SNX19: variants seen among roughly 807,000 people sequenced by gnomAD.
SNX19 encodes the protein sorting nexin 19, also known as sorting nexin-19.
Under a neutral mutation model 85.2 loss-of-function variants are expected in SNX19, and 60 were observed. The observed-to-expected ratio is 0.70, with a 90% confidence interval of 0.57 to 0.87. SNX19 has a LOEUF of 0.87. Ranked by LOEUF, SNX19 falls within the 40% of genes least tolerant of loss-of-function variation. The probability of loss-of-function intolerance (pLI) is 0.00; values close to 1 mark genes in which losing one functional copy is unlikely to be tolerated. For missense variants in SNX19, 1,201 were observed against 1,217.8 expected (o/e 0.99, Z 0.21); for synonymous variants, 520 against 470.0 (o/e 1.11, Z -1.38).
At position 130,880,811 on chromosome 11, in the gene SNX19, G is replaced by T; in HGVS notation, c.2574-5C>A. The T allele has an allele frequency of 6.5e-7, 1 of 1,539,918 alleles. No homozygotes were observed. The highest frequency in any genetic ancestry group is 8.8e-7 in the Non-Finnish European group (1 of 1,130,034). ...GCTACCTGCACCTCTAGCCACCTGT[G>T]GTAGAAGAGAGACGAAAGCTTAGAT... On this transcript the variant is annotated splice_region_variant and splice_polypyrimidine_tract_variant and intron_variant, in intron 8 of 10. Transcript: ENST00000265909.
chr11:130,897,187 T>C (rs3794138), intron 8 of SNX19, among the ~76,000 whole-genome samples: 96,038 of 151,422 alleles, frequency 0.63, 30,703 homozygotes, highest in South Asian at 0.8. Flanking sequence ...AAGTTTCTCC[T>C]GGGTGCCCTG....
rs1350975255 is a variant in SNX19 at position 130,914,354 on chromosome 11, A to G, written c.1586T>C (p.Ile529Thr). The G allele has an allele frequency of 1.2e-6, 2 of 1,613,814 alleles. No homozygotes were observed. Among genetic ancestry groups the G allele is most frequent in the East Asian group, 2.2e-5 (1 of 44,876 alleles). Residue 529 changes from isoleucine (I) to threonine (T), a missense_variant, in exon 1 of 11, where the codon ATC becomes ACC. Ile to Thr is a moderately conservative substitution (Grantham distance 89). This residue lies in a region of SNX19 where 791 missense variants were observed against 750.9 expected (regional missense o/e 1.05). Coordinates refer to ENST00000265909, the MANE Select transcript of SNX19 (RefSeq NM_014758.3). ...EPLSSPDGPV[I>T]IQNLRITGTI... is the part of the protein sequence containing the mutation. Reference sequence around the variant, plus strand: ...GCCAGTGATACGAAGGTTCTGGATGATAACTGGACCATCGGGACTGCTTAG... The same window carrying G: ...GCCAGTGATACGAAGGTTCTGGATGGTAACTGGACCATCGGGACTGCTTAG...
chr11:130,890,115 A>G (rs192437020), intron 8 of SNX19, among the ~76,000 whole-genome samples: 1 of 152,258 alleles, frequency 6.6e-6, no homozygotes, highest in East Asian at 1.9e-4. Flanking sequence ...GAAAGATATT[A>G]CCCCATCTTT....
rs961084952 is a variant in SNX19, at chr11:130,870,562, C to G, written c.*7860G>C. Among the ~76,000 whole-genome samples the G allele has an allele frequency of 1.3e-5, 2 of 152,202 alleles. No homozygotes were observed. The highest frequency in any genetic ancestry group is 4.8e-5 in the African/African-American group (2 of 41,456). ...TCTGGTACAGACTAGCCAGTGCCCT[C>G]CACTGGAATAAGTGGTTAATCTCAA... On this transcript the variant is annotated 3_prime_UTR_variant, in exon 11 of 11. Coordinates refer to ENST00000265909, the MANE Select transcript of SNX19 (RefSeq NM_014758.3).
rs1283824428 is a variant in SNX19, at chr11:130,914,463, A to G, written c.1477T>C (p.Ser493Pro). 6 of 1,613,818 alleles carry G rather than the reference A, an allele frequency of 3.7e-6. No individual in the cohort carries two copies. The highest frequency in any genetic ancestry group is 5.1e-6 in the Non-Finnish European group (6 of 1,179,820). The change falls in exon 1 of 11, where the codon TCC becomes CCC. Residue 493 changes from serine (S) to proline (P), a missense_variant. Ser to Pro is a moderately conservative substitution (Grantham distance 74, BLOSUM62 -1). This residue lies in a region of SNX19 where 791 missense variants were observed against 750.9 expected (regional missense o/e 1.05). Coordinates refer to ENST00000265909, the MANE Select transcript of SNX19 (RefSeq NM_014758.3). ...ACTGGTGGCAGAGTAGGATCAAGGG[A>G]GCTCACATCATTGGTGAGATCCTTC... Reference protein sequence around the residue: ...LEKDLTNDVSSLDPTLPPVLL... With the variant: ...LEKDLTNDVSPLDPTLPPVLL...
chr11:130,889,507 A>T (rs1944345419), intron 8 of SNX19, among the ~76,000 whole-genome samples: 1 of 129,678 alleles, frequency 7.7e-6, no homozygotes, highest in Non-Finnish European at 1.8e-5. Flanking sequence ...ATATTTACTG[A>T]ATGAATCGAT....
rs1592273046 is a variant in SNX19 at position 130,879,543 on chromosome 11, T to C, written c.2846+81A>G. ...ATCCTATTCTTTGGAATGTGGGCTT[T>C]TCACTCAGAAACCTTGGATACCTCT... On this transcript the variant is annotated intron_variant, in intron 10 of 10. Transcript: ENST00000265909. 1.3e-5 allele frequency: 16 copies of C among 1,243,406 alleles called. No homozygotes were observed. The East Asian group carries it at 3.8e-4, about 30-fold the overall frequency. The allele number at this position is 1,243,406 out of a possible 1,614,324, so 77.0% of individuals were successfully genotyped here.
chr11:130,906,923 T>C (rs1945719229), intron 5 of SNX19, among the ~76,000 whole-genome samples: 1 of 152,238 alleles, frequency 6.6e-6, no homozygotes, highest in South Asian at 2.1e-4. Context: ...TGATAGATAA[T>C]GTTAACGCAT....
At chr11:130,892,205 T>C (rs1424733242) in intron 8 of SNX19, among the ~76,000 whole-genome samples, 1 of 150,220 alleles carries the variant, frequency 6.7e-6, no homozygotes, top group Non-Finnish European at 1.5e-5. Context: ...GTCAACCTTT[T>C]TTTGGCCCCA....
chr11:130,912,705 G>A (rs1314891075), intron 1 of SNX19, among the ~76,000 whole-genome samples: 1 of 152,138 alleles, frequency 6.6e-6, no homozygotes, highest in African/African-American at 2.4e-5. Flanking sequence ...TGTGAGCAAA[G>A]CAGTCCCTCA....
chr11:130,902,228 C>A (rs1254041444), intron 8 of SNX19, among the ~76,000 whole-genome samples: 1 of 152,192 alleles, frequency 6.6e-6, no homozygotes, highest in Non-Finnish European at 1.5e-5. Context: ...TAAAAAAGTA[C>A]ATGTAAATGG....
At chr11:130,907,860 T>G in intron 5 of SNX19, 93 bp downstream of exon 5, 1 of 1,560,734 alleles carries the variant, frequency 6.4e-7, no homozygotes, top group Non-Finnish European at 8.7e-7. Context: ...CCTCCTTTCC[T>G]CTAGGGCTTG....
rs199928817 is a variant in SNX19 at position 130,915,608 on chromosome 11, C to A, written c.332G>T (p.Arg111Leu). Reference sequence around the variant, plus strand: ...ACGGTACCAAGATAACACAAAATCTCGAATAATCATCTGGATGGTGCGGTT... The same window carrying A: ...ACGGTACCAAGATAACACAAAATCTAGAATAATCATCTGGATGGTGCGGTT... ...EINRTIQMII[R>L]DFVLSWYRSV... is the part of the protein sequence containing the mutation. Residue 111 changes from arginine (R) to leucine (L), a missense_variant, in exon 1 of 11, where the codon CGA becomes CTA. Coordinates refer to ENST00000265909, the MANE Select transcript of SNX19 (RefSeq NM_014758.3). 1.2e-6 allele frequency: 2 copies of A among 1,614,238 alleles called. No individual in the cohort carries two copies. The highest frequency in any genetic ancestry group is 2.7e-5 in the African/African-American group (2 of 75,082).
rs1176440614 is a variant in SNX19, at chr11:130,872,586, TAA to T, written c.*5834_*5835del. On this transcript the variant is annotated 3_prime_UTR_variant, in exon 11 of 11. Transcript: ENST00000265909. Reference sequence around the variant, plus strand: ...ACCGCCTCTCTCATCCTTTATACCATAAAAGAGTGATGGCAATATGCTAGCTG... The same window carrying T: ...ACCGCCTCTCTCATCCTTTATACCATAAGAGTGATGGCAATATGCTAGCTG... Among the ~76,000 whole-genome samples, 3 of 152,120 alleles carry T rather than the reference TAA, an allele frequency of 2.0e-5. No homozygotes were observed. The highest frequency in any genetic ancestry group is 4.4e-5 in the Non-Finnish European group (3 of 68,018).
chr11:130,898,480 G>A (rs949831712), intron 8 of SNX19, among the ~76,000 whole-genome samples: 2 of 152,140 alleles, frequency 1.3e-5, no homozygotes, highest in African/African-American at 4.8e-5. Context: ...GAACTTAAAG[G>A]AAGAGAACCC....
chr11:130,880,794 C>T lies in SNX19; in HGVS notation c.2586G>A (p.Val862=). 1 of 1,556,388 alleles carries T rather than the reference C, an allele frequency of 6.4e-7. No individual in the cohort carries two copies. Among genetic ancestry groups the T allele is most frequent in the Non-Finnish European group, 8.8e-7 (1 of 1,139,174 alleles). Residue 862 remains valine (V), a synonymous_variant, in exon 9 of 11, where the codon GTG becomes GTA. Coordinates refer to ENST00000265909, the MANE Select transcript of SNX19 (RefSeq NM_014758.3). ...FGTLVQRWLE[V]QVANLTSPQR... ...GTGGACTTGTTAAATTAGCTACCTG[C>T]ACCTCTAGCCACCTGTGGTAGAAGA...
chr11:130,868,087 A>C lies in SNX19; in HGVS notation c.*10335T>G, dbSNP rs750606011. On this transcript the variant is annotated 3_prime_UTR_variant, in exon 11 of 11. Coordinates refer to ENST00000265909, the MANE Select transcript of SNX19 (RefSeq NM_014758.3). ...CTTCATATTGCCTGAAGAGTTAAAC[A>C]GACACAATCTGGATGAGTCTCAAAG... 9.2e-5 allele frequency: 14 copies of C among 152,208 alleles called. No homozygotes were observed. The highest frequency in any genetic ancestry group is 2.1e-4 in the Non-Finnish European group (14 of 68,040). 9.4% of individuals were successfully genotyped at this position (152,208 alleles called of 1,614,324 possible).
In SNX19 at chr11:130,871,420, AG is replaced by A. The variant is rs1241610147; in HGVS notation, c.*7001del. 6.6e-6 allele frequency among the ~76,000 whole-genome samples: 1 copy of A among 152,206 alleles called. No homozygotes were observed. The highest frequency in any genetic ancestry group is 1.5e-5 in the Non-Finnish European group (1 of 68,026). ...CACTGAATTTGGATTCCATGCAAGC[AG>A]GATGTGTAAAGGAGGTAAACTCCAA... On this transcript the variant is annotated 3_prime_UTR_variant, in exon 11 of 11. Transcript: ENST00000265909.
chr11:130,899,555 T>C (rs1462345789), intron 8 of SNX19, among the ~76,000 whole-genome samples: 4 of 152,192 alleles, frequency 2.6e-5, no homozygotes, highest in Non-Finnish European at 5.9e-5. Flanking sequence ...TTAATTCTAG[T>C]CTGTGGAAGC....
Sources: allele counts gnomAD v4.1 joint callset (sites outside exome capture counted in the v4.1 genomes callset), GRCh38; gene constraint gnomAD v4.1.1; regional missense constraint gnomAD v4.1.1; transcripts MANE v1.5; gene names NCBI Gene and HGNC (gene_info 2026-07-23, HGNC 2026-07-21).